Variants in CSMD1 observed in about 807,000 individuals in gnomAD.
CSMD1 encodes CUB and sushi domain-containing protein 1.
A neutral mutation model predicts 417.5 loss-of-function variants in CSMD1; 213 were observed. The observed-to-expected ratio is 0.51, with a 90% CI of 0.46 to 0.57. CSMD1 has a LOEUF of 0.57. Ranked by LOEUF, CSMD1 falls within the 20% of genes least tolerant of loss-of-function variation. The pLI is 0.00. For synonymous variants in CSMD1, 2,862 were observed against 1,736.8 expected, an observed-to-expected ratio of 1.65 and a Z score of -16.11; for missense variants, 6,923 against 4,529.7, an observed-to-expected ratio of 1.53 and a Z score of -15.17.
At chr8:4,902,533 T>A (rs1804954407) in intron 1 of CSMD1, among the ~76,000 whole-genome samples, 1 of 152,228 alleles carries the variant, frequency 6.6e-6, no homozygotes, top group African/African-American at 2.4e-5. Flanking sequence ...ACATCAAATT[T>A]TACATGAAAC....
chr8:3,626,196 G>C (rs927167646), intron 7 of CSMD1, among the ~76,000 whole-genome samples: 3 of 152,190 alleles, frequency 2.0e-5, no homozygotes, highest in African/African-American at 4.8e-5. Flanking sequence ...CGCAAATGCA[G>C]AGTGACTGTC....
intron 15 of CSMD1, among the ~76,000 whole-genome samples, chr8:3,403,939 G>A (rs552968975): frequency 5.3e-5 from 8 of 152,180 alleles, no homozygotes; most frequent in Non-Finnish European, 1.0e-4. Context: ...CAGCTATTAA[G>A]AGGGTTTTGT....
In CSMD1 at chr8:3,089,358, G is replaced by C. The variant is rs184191211; in HGVS notation, c.7286-2073C>G. On this transcript the variant is annotated intron_variant, in intron 48 of 69. Transcript: ENST00000635120. ...AGCTTTCATTTGCTTCTCATAGTATGAAAAGGACATTGTTAATTCAGCCTG... is the reference window on the plus strand; with the variant it reads ...AGCTTTCATTTGCTTCTCATAGTATCAAAAGGACATTGTTAATTCAGCCTG... Among the ~76,000 whole-genome samples, 393 of 152,368 alleles carry C rather than the reference G, an allele frequency of 2.6e-3. 2 individuals are homozygous for C. The highest frequency in any genetic ancestry group is 9.2e-3 in the African/African-American group (381 of 41,584).
At chr8:4,778,771 A>C (rs1321614650) in intron 1 of CSMD1, among the ~76,000 whole-genome samples, 2 of 152,254 alleles carry the variant, frequency 1.3e-5, no homozygotes, top group African/African-American at 4.8e-5. Flanking sequence ...TGGTTTGTTT[A>C]GGAGAACATA....
At position 3,055,491 on chromosome 8, in the gene CSMD1, T is replaced by C. The variant is rs1433805485; in HGVS notation, c.7475-2844A>G. 4.6e-5 allele frequency among the ~76,000 whole-genome samples: 7 copies of C among 152,228 alleles called. No homozygotes were observed. The South Asian group carries it at 8.3e-4, about 18-fold the overall frequency. On this transcript the variant is annotated intron_variant, in intron 49 of 69. Transcript: ENST00000635120. ...TCCTTATGGACTAAAATCAGGCTCATGGGATGAAGACAGTTTCCTGCTCAA... is the reference window on the plus strand; with the variant it reads ...TCCTTATGGACTAAAATCAGGCTCACGGGATGAAGACAGTTTCCTGCTCAA...
chr8:4,986,653 CTGAAGTCTCCCCATA>C (rs1353921924), intron 1 of CSMD1, among the ~76,000 whole-genome samples: 3 of 151,956 alleles, frequency 2.0e-5, no homozygotes. Context: ...TAATTATCCC[CTGAAGTCTCCCCATA>C]ATATAAACAT....
At position 4,146,593 on chromosome 8, in the gene CSMD1, C is replaced by CTTTTTTTTTTTTTTTTTTTTTTTTTT. The variant is rs1208930261; in HGVS notation, c.416-114495_416-114494insAAAAAAAAAAAAAAAAAAAAAAAAAA. ...ATCTGTCTAAATGTTTATATGGACA[C>CTTTTTTTTTTTTTTTTTTTTTTTTTT]ATTTTTTTTTTTTTTTTTTTTTTTT... On this transcript the variant is annotated intron_variant, in intron 3 of 69. Coordinates refer to ENST00000635120, the MANE Select transcript of CSMD1 (RefSeq NM_033225.6). Among the ~76,000 whole-genome samples, 9 of 90,762 alleles carry CTTTTTTTTTTTTTTTTTTTTTTTTTT rather than the reference C, an allele frequency of 9.9e-5. 3 individuals carry two copies. Among genetic ancestry groups the CTTTTTTTTTTTTTTTTTTTTTTTTTT allele is most frequent in the Non-Finnish European group, 1.4e-4 (7 of 51,300 alleles). The allele number at this position is 90,762 out of a possible 152,430, so 59.5% of individuals were successfully genotyped here.
chr8:3,116,142 C>T (rs1301575560), intron 42 of CSMD1, among the ~76,000 whole-genome samples: 3 of 151,788 alleles, frequency 2.0e-5, no homozygotes, highest in Non-Finnish European at 4.4e-5. Flanking sequence ...GCACCTTTTG[C>T]GTTAAATAAC....
At chr8:3,481,016 C>G (rs113026590) in intron 11 of CSMD1, among the ~76,000 whole-genome samples, 1 of 151,372 alleles carries the variant, frequency 6.6e-6, no homozygotes, top group Non-Finnish European at 1.5e-5. Context: ...ATTAGCCAGG[C>G]GTGGTGGCAG....
At chr8:2,975,554 C>A (rs1804841704) in intron 55 of CSMD1, among the ~76,000 whole-genome samples, 1 of 152,186 alleles carries the variant, frequency 6.6e-6, no homozygotes, top group African/African-American at 2.4e-5. Context: ...TCAGCCGTCA[C>A]TTTCTGTCTT....
chr8:3,240,637 C>G (rs1457839593), intron 26 of CSMD1, among the ~76,000 whole-genome samples: 3 of 151,802 alleles, frequency 2.0e-5, no homozygotes, highest in Non-Finnish European at 4.4e-5. Flanking sequence ...AGGGTCAGTC[C>G]AAGAGAAAGT....
At chr8:3,345,183 G>C (rs375495512) in intron 22 of CSMD1, among the ~76,000 whole-genome samples, 3 of 152,164 alleles carry the variant, frequency 2.0e-5, no homozygotes, top group Non-Finnish European at 4.4e-5. Flanking sequence ...AGGTTCATCC[G>C]CTCTCCTGAA....
At chr8:3,423,977 G>A (rs1031479825) in intron 12 of CSMD1, among the ~76,000 whole-genome samples, 3 of 152,066 alleles carry the variant, frequency 2.0e-5, no homozygotes, top group Non-Finnish European at 4.4e-5. Context: ...AAGATTCACA[G>A]TACCAGTTTT....
At chr8:3,414,021 C>T (rs1368486424) in intron 12 of CSMD1, among the ~76,000 whole-genome samples, 2 of 151,430 alleles carry the variant, frequency 1.3e-5, no homozygotes, top group African/African-American at 4.9e-5. Flanking sequence ...CGCCTGGAAT[C>T]CCAACTACTG....
chr8:3,607,997 C>T (rs1043786031), intron 8 of CSMD1, among the ~76,000 whole-genome samples: 1 of 152,022 alleles, frequency 6.6e-6, no homozygotes, highest in Non-Finnish European at 1.5e-5. Context: ...TGGGAAAACC[C>T]TGTCTCTACT....
At chr8:3,937,369 C>A (rs2114244) in intron 5 of CSMD1, among the ~76,000 whole-genome samples, 1 of 151,836 alleles carries the variant, frequency 6.6e-6, no homozygotes. Context: ...AATCAACTGA[C>A]GTGGTAAACT....
intron 28 of CSMD1, among the ~76,000 whole-genome samples, chr8:3,221,504 T>C (rs375723093): frequency 9.3e-5 from 14 of 151,088 alleles, no homozygotes; most frequent in African/African-American, 3.4e-4. Context: ...ATTTATGCAA[T>C]ACTGCAAATA....
intron 6 of CSMD1, among the ~76,000 whole-genome samples, chr8:3,730,826 T>G (rs920979560): frequency 6.6e-6 from 1 of 152,182 alleles, no homozygotes; most frequent in Non-Finnish European, 1.5e-5. Flanking sequence ...ACCCCATTCA[T>G]GTTATGCCAG....
chr8:3,978,684 C>G (rs781571345), intron 5 of CSMD1, among the ~76,000 whole-genome samples: 1 of 152,084 alleles, frequency 6.6e-6, no homozygotes, highest in Non-Finnish European at 1.5e-5. Flanking sequence ...CTGCCCAACC[C>G]GGCTCTACTT....
Sources: gnomAD v4.1 joint callset for allele counts (sites outside exome capture counted in the v4.1 genomes callset) on GRCh38, gnomAD v4.1.1 for gene constraint, MANE v1.5 for transcripts, NCBI Gene and HGNC (gene_info 2026-07-23, HGNC 2026-07-21) for gene names.